EGFLAM: variants seen among roughly 807,000 people sequenced by gnomAD.
EGFLAM encodes the protein pikachurin.
A neutral mutation model predicts 113.1 loss-of-function variants in EGFLAM; 79 were observed. The observed-to-expected ratio is 0.70, with a 90% CI of 0.58 to 0.84. The LOEUF is 0.84. Ranked by LOEUF, EGFLAM falls within the 40% of genes least tolerant of loss-of-function variation. The pLI is 0.00. For synonymous variants in EGFLAM, 504 were observed against 487.6 expected, an observed-to-expected ratio of 1.03 and a Z score of -0.44; for missense variants, 1,265 against 1,291.6, an observed-to-expected ratio of 0.98 and a Z score of 0.32.
intron 1 of EGFLAM, among the ~76,000 whole-genome samples, chr5:38,294,982 G>C (rs1389678951): frequency 6.6e-6 from 1 of 152,010 alleles, no homozygotes; most frequent in African/African-American, 2.4e-5. Flanking sequence ...TACATGCCAC[G>C]AGTCCTAGCT....
At chr5:38,439,685 G>A (rs1004050885) in intron 17 of EGFLAM, among the ~76,000 whole-genome samples, 1 of 152,170 alleles carries the variant, frequency 6.6e-6, no homozygotes, top group South Asian at 2.1e-4. Flanking sequence ...TTTTAACAAG[G>A]GAGGGTAATT....
At chr5:38,286,802 C>A (rs1011471569) in intron 1 of EGFLAM, among the ~76,000 whole-genome samples, 7 of 152,182 alleles carry the variant, frequency 4.6e-5, no homozygotes, top group Non-Finnish European at 8.8e-5. Context: ...AGTGAGTAGA[C>A]ATCACTCCTG....
chr5:38,382,028 T>C (rs1487819683), intron 6 of EGFLAM, among the ~76,000 whole-genome samples: 1 of 152,182 alleles, frequency 6.6e-6, no homozygotes, highest in Non-Finnish European at 1.5e-5. Context: ...AGAGAAACCA[T>C]TGCAGTAATT....
intron 19 of EGFLAM, among the ~76,000 whole-genome samples, chr5:38,454,285 G>A (rs938454512): frequency 2.6e-5 from 4 of 152,128 alleles, no homozygotes; most frequent in East Asian, 3.9e-4. Context: ...ACAAGCACCC[G>A]GGTGTTTCCG....
intron 1 of EGFLAM, 48 bp from the exon 2 acceptor site, chr5:38,337,472 G>A: frequency 6.7e-7 from 1 of 1,493,730 alleles, no homozygotes; most frequent in Non-Finnish European, 9.1e-7. Context: ...GTATACTCAA[G>A]GTGGGATGTG....
At chr5:38,415,633 C>T (rs1741617290) in intron 11 of EGFLAM, among the ~76,000 whole-genome samples, 1 of 152,180 alleles carries the variant, frequency 6.6e-6, no homozygotes, top group Non-Finnish European at 1.5e-5. Flanking sequence ...ATGTTTGAGC[C>T]TATGAATAGC....
intron 1 of EGFLAM, among the ~76,000 whole-genome samples, chr5:38,265,496 T>C (rs1304490312): frequency 1.3e-5 from 2 of 152,206 alleles, no homozygotes; most frequent in African/African-American, 4.8e-5. Context: ...GCTGCACATC[T>C]TAGAGATGCA....
intron 19 of EGFLAM, 26 bp from the exon 20 acceptor site, chr5:38,458,285 T>C (rs779798559): frequency 2.5e-6 from 4 of 1,608,714 alleles, no homozygotes; most frequent in Non-Finnish European, 1.7e-6. Flanking sequence ...TTCTGTTCTC[T>C]GTCTTCTTCT....
intron 1 of EGFLAM, among the ~76,000 whole-genome samples, chr5:38,320,399 A>T (rs1738708904): frequency 6.6e-6 from 1 of 152,186 alleles, no homozygotes; most frequent in Non-Finnish European, 1.5e-5. Flanking sequence ...TTCCAAAAGA[A>T]GCTTGAGAAC....
chr5:38,314,139 A>G (rs1738528886), intron 1 of EGFLAM, among the ~76,000 whole-genome samples: 2 of 152,180 alleles, frequency 1.3e-5, no homozygotes, highest in African/African-American at 4.8e-5. Flanking sequence ...TCTTTAATCC[A>G]TTTGGAGTTA....
intron 9 of EGFLAM, among the ~76,000 whole-genome samples, chr5:38,408,587 G>A (rs962026029): frequency 2.0e-5 from 3 of 152,190 alleles, no homozygotes; most frequent in African/African-American, 7.2e-5. Flanking sequence ...TCTCCTGATA[G>A]AAGGAAAGAA....
At chr5:38,462,085 G>A (rs1489503288) in intron 20 of EGFLAM, among the ~76,000 whole-genome samples, 2 of 152,088 alleles carry the variant, frequency 1.3e-5, no homozygotes, top group Non-Finnish European at 2.9e-5. Flanking sequence ...GGAGAATGGC[G>A]TGAACCCCGG....
intron 6 of EGFLAM, chr5:38,401,019 G>T (rs1198896748): frequency 6.6e-6 from 1 of 152,076 alleles, no homozygotes; most frequent in East Asian, 1.9e-4. Flanking sequence ...AAAGAAATAG[G>T]TTACAAAAAG....
At position 38,274,171 on chromosome 5, in the gene EGFLAM, A is replaced by G. The variant is rs182828203; in HGVS notation, c.97+15320A>G. On this transcript the variant is annotated intron_variant, in intron 1 of 21. Coordinates refer to ENST00000322350, the MANE Select transcript of EGFLAM (RefSeq NM_152403.4). ...AGCGAGGATTAAAAAGAAAAAATGA[A>G]AAAAGAATGAAGAAAGCTTACAGTA... 3.3e-3 allele frequency among the ~76,000 whole-genome samples: 509 copies of G among 152,308 alleles called. 5 individuals carry two copies. Among genetic ancestry groups the G allele is most frequent in the African/African-American group, 0.012 (484 of 41,578 alleles).
chr5:38,316,077 A>C lies in EGFLAM; in HGVS notation c.98-21443A>C, dbSNP rs990872164. Among the ~76,000 whole-genome samples, 353 of 60,836 alleles carry C rather than the reference A, an allele frequency of 5.8e-3. 1 individual carries two copies. Among genetic ancestry groups the C allele is most frequent in the African/African-American group, 0.044 (312 of 7,022 alleles). The allele number at this position is 60,836 out of a possible 152,430, so 39.9% of individuals were successfully genotyped here. A position where few individuals can be genotyped will look rare whatever the true frequency, so the allele number is the denominator to read the frequency against. On this transcript the variant is annotated intron_variant, in intron 1 of 21. Transcript: ENST00000322350. ...GGGCAACAGAGCAAGACTCTGTCCC[A>C]AAAAAAAAAAAAAAATCCTAAGCAC...
intron 3 of EGFLAM, among the ~76,000 whole-genome samples, chr5:38,339,360 A>G (rs763715270): frequency 5.3e-5 from 8 of 150,580 alleles, no homozygotes; most frequent in Non-Finnish European, 1.0e-4. Flanking sequence ...CTTTTCTTTC[A>G]CTCCCCTCCT....
At chr5:38,378,457 G>T (rs571414018) in intron 6 of EGFLAM, among the ~76,000 whole-genome samples, 19 of 152,294 alleles carry the variant, frequency 1.2e-4, no homozygotes, top group African/African-American at 4.6e-4. Context: ...TTCTTTGGCG[G>T]CAATGCCCCT....
chr5:38,349,773 G>GCACACACACACACACACACACA (rs57785664), intron 3 of EGFLAM, among the ~76,000 whole-genome samples: 5 of 130,946 alleles, frequency 3.8e-5, no homozygotes, highest in Non-Finnish European at 5.0e-5. Flanking sequence ...AAGTACACAC[G>GCACACACACACACACACACACA]CACACACACA....
chr5:38,354,849 T>C (rs1264920524), intron 5 of EGFLAM, among the ~76,000 whole-genome samples: 1 of 152,204 alleles, frequency 6.6e-6, no homozygotes, highest in Admixed American at 6.5e-5. Context: ...TATTTTAAAA[T>C]TTTCTCTATA....
Sources: gnomAD v4.1 joint callset for allele counts (sites outside exome capture counted in the v4.1 genomes callset) on GRCh38, gnomAD v4.1.1 for gene constraint, MANE v1.5 for transcripts, NCBI Gene and HGNC (gene_info 2026-07-23, HGNC 2026-07-21) for gene names.